The following RPAP2 variants were observed in gnomAD, a reference collection of about 807,000 sequenced individuals.
RPAP2 encodes the protein putative RNA polymerase II subunit B1 CTD phosphatase RPAP2.
RPAP2 carries 52 observed loss-of-function variants against 73.1 expected under a neutral mutation model. The observed-to-expected ratio is 0.71, with a 90% confidence interval of 0.57 to 0.90. The LOEUF (loss-of-function observed/expected upper bound fraction) is 0.90. Ranked by LOEUF, RPAP2 falls within the 40% of genes least tolerant of loss-of-function variation. The pLI is 0.00. For synonymous variants in RPAP2, 225 were observed against 242.1 expected, an observed-to-expected ratio of 0.93 and a Z score of 0.65; for missense variants, 598 against 701.8, an observed-to-expected ratio of 0.85 and a Z score of 1.67.
intron 11 of RPAP2, among the ~76,000 whole-genome samples, chr1:92,376,872 T>G (rs548882383): frequency 1.6e-4 from 24 of 152,348 alleles, no homozygotes; most frequent in African/African-American, 5.3e-4. Flanking sequence ...ACTTACTATC[T>G]TTGTGAACTT....
chr1:92,320,554 G>C (rs1175475031), intron 6 of RPAP2, 45 bp from the exon 7 acceptor site: 1 of 1,580,638 alleles, frequency 6.3e-7, no homozygotes, highest in Admixed American at 1.7e-5. Context: ...ACAGGCATGA[G>C]CCACCGCACC....
intron 11 of RPAP2, among the ~76,000 whole-genome samples, chr1:92,371,319 A>ATATATATATATATAT (rs1553155687): frequency 3.2e-4 from 20 of 61,718 alleles, no homozygotes; most frequent in African/African-American, 1.4e-3. Context: ...AAAAAAAAAA[A>ATATATATATATATAT]ATATATATAT....
rs1240605843 is a variant in RPAP2, at chr1:92,380,129, T to C, written c.1689-595T>C. 3.3e-5 allele frequency among the ~76,000 whole-genome samples: 5 copies of C among 150,128 alleles called. No homozygotes were observed. The South Asian group carries it at 8.4e-4, about 25-fold the overall frequency. On this transcript the variant is annotated intron_variant, in intron 11 of 12. Coordinates refer to ENST00000610020, the MANE Select transcript of RPAP2 (RefSeq NM_024813.3). ...CCCGTCTCTACCAAAAAAACGAAAA[T>C]TAGCCGGGCGTGGTGGCAAGCACCT...
At chr1:92,338,197 T>C (rs1219001011) in intron 10 of RPAP2, among the ~76,000 whole-genome samples, 1 of 152,152 alleles carries the variant, frequency 6.6e-6, no homozygotes, top group Non-Finnish European at 1.5e-5. Flanking sequence ...GTTTAGGTAA[T>C]GATAAACTGA....
At position 92,324,378 on chromosome 1, in the gene RPAP2, A is replaced by G; in HGVS notation, c.1455+3A>G. The G allele has an allele frequency of 1.2e-6, 2 of 1,606,738 alleles. No homozygotes were observed. The highest frequency in any genetic ancestry group is 1.7e-6 in the Non-Finnish European group (2 of 1,175,130). The stretch of plus-strand genomic sequence containing the variant: ...CCAAATCACAAGACTCAGAAGAGGT[A>G]TGTCTTACAGACATTGAGTTTTTCC... On this transcript the variant is annotated splice_donor_region_variant and intron_variant, in intron 8 of 12. Coordinates refer to ENST00000610020, the MANE Select transcript of RPAP2 (RefSeq NM_024813.3).
rs2101183017 is a variant in RPAP2 at position 92,324,210 on chromosome 1, G to C, written c.1290G>C (p.Leu430Phe). The change falls in exon 8 of 13, where the codon TTG becomes TTC. Residue 430 changes from leucine (L) to phenylalanine (F), a missense_variant. Around this residue, in one of 3 missense-constraint regions of RPAP2, gnomAD observed 506 missense variants for 612.8 expected, o/e 0.83. Coordinates refer to ENST00000610020, the MANE Select transcript of RPAP2 (RefSeq NM_024813.3). Reference sequence around the variant, plus strand: ...CCTGGAGGGAATCTCAGAACAGCTTGGATGAGTCTTTACCTTTTAGGGGCT... The same window carrying C: ...CCTGGAGGGAATCTCAGAACAGCTTCGATGAGTCTTTACCTTTTAGGGGCT... ...FPAWRESQNS[L>F]DESLPFRGSG... is the part of the protein sequence containing the mutation. 1 of 1,614,124 alleles carries C rather than the reference G, an allele frequency of 6.2e-7. No individual in the cohort carries two copies. The highest frequency in any genetic ancestry group is 8.5e-7 in the Non-Finnish European group (1 of 1,179,992).
At chr1:92,338,647 G>T (rs1034745758) in intron 10 of RPAP2, among the ~76,000 whole-genome samples, 134 of 93,554 alleles carry the variant, frequency 1.4e-3, no homozygotes, top group Non-Finnish European at 2.4e-3. Context: ...GCTGATCATT[G>T]ATTTTTTTTT....
rs1388828287 is a variant in RPAP2, at chr1:92,395,182, G to C, written c.*8171G>C. 1.3e-5 allele frequency: 2 copies of C among 152,158 alleles called. No homozygotes were observed. The allele number at this position is 152,158 out of a possible 1,614,324, so 9.4% of individuals were successfully genotyped here. ...AAATTGATCACACACCTACATGTAA[G>C]AGCTAAAACTATAAAACATGTAGAA... On this transcript the variant is annotated 3_prime_UTR_variant, in exon 13 of 13. Coordinates refer to ENST00000610020, the MANE Select transcript of RPAP2 (RefSeq NM_024813.3).
At chr1:92,326,165 T>G (rs1191939840) in intron 8 of RPAP2, among the ~76,000 whole-genome samples, 2 of 152,160 alleles carry the variant, frequency 1.3e-5, no homozygotes, top group African/African-American at 4.8e-5. Context: ...GGAGTTTCCT[T>G]GATTCCATGT....
rs987511959 is a variant in RPAP2 at position 92,401,720 on chromosome 1, A to C, written c.*14709A>C. ...TTCCCTGGTATTCATAGTTTGCTAA[A>C]AGGTTTTTGTCATTTTAAATCATAA... On this transcript the variant is annotated 3_prime_UTR_variant, in exon 13 of 13. Transcript: ENST00000610020. 6.6e-6 allele frequency: 1 copy of C among 152,196 alleles called. No individual in the cohort carries two copies. Among genetic ancestry groups the C allele is most frequent in the Non-Finnish European group, 1.5e-5 (1 of 68,040 alleles). 9.4% of individuals were successfully genotyped at this position (152,196 alleles called of 1,614,324 possible).
At chr1:92,344,196 G>A (rs565490052) in intron 10 of RPAP2, among the ~76,000 whole-genome samples, 3 of 152,216 alleles carry the variant, frequency 2.0e-5, no homozygotes, top group East Asian at 1.9e-4. Flanking sequence ...GATCACTTGA[G>A]GCCAGGAGTT....
intron 12 of RPAP2, among the ~76,000 whole-genome samples, chr1:92,381,859 T>C (rs1655652561): frequency 6.6e-6 from 1 of 152,038 alleles, no homozygotes; most frequent in African/African-American, 2.4e-5. Context: ...CATGTTGGTG[T>C]GCTGCACCCA....
chr1:92,342,791 G>A (rs1653671850), intron 10 of RPAP2, among the ~76,000 whole-genome samples: 1 of 152,098 alleles, frequency 6.6e-6, no homozygotes, highest in African/African-American at 2.4e-5. Flanking sequence ...CATAAGATTT[G>A]TGGCCTGAGC....
At chr1:92,378,184 TATTCATTCATTC>T (rs751055550) in intron 11 of RPAP2, among the ~76,000 whole-genome samples, 25 of 151,638 alleles carry the variant, frequency 1.6e-4, no homozygotes, top group Admixed American at 3.3e-4. Context: ...CCACTTTATT[TATTCATTCATTC>T]ATTCATTCAT....
intron 8 of RPAP2, among the ~76,000 whole-genome samples, chr1:92,329,756 T>C (rs1015053135): frequency 1.4e-4 from 22 of 152,220 alleles, no homozygotes; most frequent in African/African-American, 4.8e-4. Context: ...TTGATTGAGC[T>C]ATAATAGCCT....
intron 11 of RPAP2, among the ~76,000 whole-genome samples, chr1:92,380,459 T>C (rs1395930546): frequency 6.6e-6 from 1 of 152,142 alleles, no homozygotes; most frequent in African/African-American, 2.4e-5. Context: ...CTGAGCAGAA[T>C]TTTAGTAGTT....
chr1:92,332,192 T>C (rs1653009122), intron 8 of RPAP2, among the ~76,000 whole-genome samples: 1 of 152,036 alleles, frequency 6.6e-6, no homozygotes, highest in Non-Finnish European at 1.5e-5. Flanking sequence ...GTGACTGTGC[T>C]TCATTCTGGA....
intron 11 of RPAP2, among the ~76,000 whole-genome samples, chr1:92,356,950 C>A (rs1326529446): frequency 6.6e-6 from 1 of 151,862 alleles, no homozygotes; most frequent in Non-Finnish European, 1.5e-5. Flanking sequence ...CCTGTAATCT[C>A]AGCTACTCAG....
intron 11 of RPAP2, among the ~76,000 whole-genome samples, chr1:92,358,591 A>T (rs1238391309): frequency 4.0e-5 from 6 of 151,520 alleles, no homozygotes; most frequent in Admixed American, 3.3e-4. Context: ...GCTCATCTTT[A>T]TTTTTTTTCC....
Sources: allele counts gnomAD v4.1 joint callset (sites outside exome capture counted in the v4.1 genomes callset), GRCh38; gene constraint gnomAD v4.1.1; regional missense constraint gnomAD v4.1.1; transcripts MANE v1.5; gene names NCBI Gene and HGNC (gene_info 2026-07-23, HGNC 2026-07-21).